The following TMEM132D variants were observed in gnomAD, a reference collection of about 807,000 sequenced individuals.
TMEM132D encodes mature OL transmembrane protein.
In TMEM132D, 21 loss-of-function variants were observed where a neutral mutation model predicts 62.3. The ratio of observed to expected loss-of-function variants is 0.34; its 90% CI spans 0.24 to 0.49. TMEM132D has a LOEUF of 0.49. Among genes scored for constraint, TMEM132D ranks in the 20% least tolerant of loss-of-function variants. TMEM132D has a pLI of 0.99. For missense variants in TMEM132D, 1,346 were observed against 1,402.8 expected, an observed-to-expected ratio of 0.96 and a Z score of 0.65; for synonymous variants, 621 against 575.6, an observed-to-expected ratio of 1.08 and a Z score of -1.13.
intron 4 of TMEM132D, among the ~76,000 whole-genome samples, chr12:129,249,227 T>C (rs1203747178): frequency 2.0e-5 from 3 of 152,208 alleles, no homozygotes; most frequent in Non-Finnish European, 2.9e-5. Flanking sequence ...GGGCACTGAA[T>C]TGTAAATTTA....
At chr12:129,764,773 T>C (rs1870498634) in intron 1 of TMEM132D, among the ~76,000 whole-genome samples, 1 of 152,082 alleles carries the variant, frequency 6.6e-6, no homozygotes, top group African/African-American at 2.4e-5. Flanking sequence ...AGCTCCTATC[T>C]CTACAAACAA....
At chr12:129,470,827 G>A (rs1874072793) in intron 3 of TMEM132D, among the ~76,000 whole-genome samples, 1 of 152,166 alleles carries the variant, frequency 6.6e-6, no homozygotes, top group African/African-American at 2.4e-5. Context: ...GAAACACAGA[G>A]GAAGCTTGTC....
chr12:129,438,845 C>T (rs1750247275), intron 3 of TMEM132D, among the ~76,000 whole-genome samples: 2 of 152,076 alleles, frequency 1.3e-5, no homozygotes, highest in Non-Finnish European at 2.9e-5. Context: ...AATAAAACTG[C>T]AAACAAAACA....
chr12:129,102,323 CACTT>C (rs763451229), intron 5 of TMEM132D, among the ~76,000 whole-genome samples: 30 of 152,222 alleles, frequency 2.0e-4, no homozygotes, highest in Non-Finnish European at 3.1e-4. Context: ...CACGTGTACA[CACTT>C]ACACATGCAC....
At chr12:129,208,593 G>GT (rs1255705098) in intron 5 of TMEM132D, 1 of 152,204 alleles carries the variant, frequency 6.6e-6, no homozygotes, top group African/African-American at 2.4e-5. Flanking sequence ...GAGCAGAGTG[G>GT]TTACACCAAT....
intron 3 of TMEM132D, among the ~76,000 whole-genome samples, chr12:129,401,477 G>A (rs778632917): frequency 2.0e-5 from 3 of 152,150 alleles, no homozygotes; most frequent in Non-Finnish European, 2.9e-5. Flanking sequence ...GCCAAGATGG[G>A]AGGATGGTTT....
chr12:129,337,441 G>GCACA (rs34583805), intron 4 of TMEM132D, among the ~76,000 whole-genome samples, 193 bp downstream of exon 4: 4,285 of 148,170 alleles, frequency 0.029, 153 homozygotes, highest in East Asian at 0.092. Context: ...ATACACACAC[G>GCACA]CACACACACA....
At chr12:129,450,848 T>C (rs1361550758) in intron 3 of TMEM132D, among the ~76,000 whole-genome samples, 2 of 147,542 alleles carry the variant, frequency 1.4e-5, no homozygotes, top group Admixed American at 1.4e-4. Flanking sequence ...CTTCTGCCTC[T>C]CGGGTTCAAG....
At position 129,434,132 on chromosome 12, in the gene TMEM132D, C is replaced by T. The variant is rs893639939; in HGVS notation, c.1116-96315G>A. 3.9e-5 allele frequency among the ~76,000 whole-genome samples: 6 copies of T among 152,154 alleles called. No homozygotes were observed. In the East Asian group the frequency reaches 7.7e-4, roughly 20 times the overall value. On this transcript the variant is annotated intron_variant, in intron 3 of 8. Transcript: ENST00000422113. Reference sequence around the variant, plus strand: ...AGATCTCGTTTATAACAGAGGTGAGCGACCTGTAGGAGGAAAAATGTTCTA... The same window carrying T: ...AGATCTCGTTTATAACAGAGGTGAGTGACCTGTAGGAGGAAAAATGTTCTA...
rs71082709 is a variant in TMEM132D, at chr12:129,420,306, GT to G, written c.1116-82490del. On this transcript the variant is annotated intron_variant, in intron 3 of 8. Transcript: ENST00000422113. ...AATTTCAAATTATTGCACGTTCTCTGTTTTTTTTTTTTTTTTTTTTTTTTGC... is the reference window on the plus strand; with the variant it reads ...AATTTCAAATTATTGCACGTTCTCTGTTTTTTTTTTTTTTTTTTTTTTTGC... 3.0e-3 allele frequency among the ~76,000 whole-genome samples: 338 copies of G among 112,254 alleles called. 7 individuals are homozygous for G. Among genetic ancestry groups the G allele is most frequent in the East Asian group, 0.025 (71 of 2,792 alleles). The allele number at this position is 112,254 out of a possible 152,430, so 73.6% of individuals were successfully genotyped here.
intron 1 of TMEM132D, among the ~76,000 whole-genome samples, chr12:129,721,818 C>T (rs986009847): frequency 5.9e-5 from 9 of 152,212 alleles, no homozygotes; most frequent in African/African-American, 2.2e-4. Flanking sequence ...TTAGAGAGCA[C>T]ATCCGGCCAG....
At chr12:129,435,368 A>G (rs1872761751) in intron 3 of TMEM132D, among the ~76,000 whole-genome samples, 1 of 152,108 alleles carries the variant, frequency 6.6e-6, no homozygotes, top group African/African-American at 2.4e-5. Context: ...CGGGCATACC[A>G]TTTTTTAATT....
chr12:129,728,517 G>A (rs1306337415), intron 1 of TMEM132D, among the ~76,000 whole-genome samples: 2 of 152,184 alleles, frequency 1.3e-5, no homozygotes, highest in Non-Finnish European at 2.9e-5. Context: ...GTAAGGAACT[G>A]GGGAATATGA....
intron 2 of TMEM132D, among the ~76,000 whole-genome samples, chr12:129,549,093 G>T (rs1876818171): frequency 6.6e-6 from 1 of 151,886 alleles, no homozygotes; most frequent in Non-Finnish European, 1.5e-5. Flanking sequence ...TTGAATTGTA[G>T]CTCCCATAAT....
chr12:129,202,464 T>C (rs539894913), intron 5 of TMEM132D, among the ~76,000 whole-genome samples: 23 of 152,338 alleles, frequency 1.5e-4, no homozygotes, highest in African/African-American at 1.9e-4. Context: ...GTAAAATAAA[T>C]GCTGTGAGGT....
intron 4 of TMEM132D, among the ~76,000 whole-genome samples, chr12:129,283,066 A>G (rs1217692094): frequency 6.6e-6 from 1 of 152,198 alleles, no homozygotes; most frequent in Non-Finnish European, 1.5e-5. Flanking sequence ...GCAGGAGCTG[A>G]TACCTATAGA....
rs918930384 is a variant in TMEM132D, at chr12:129,903,065, C to G, written c.79+196G>C. ...CCAAGTGCTCCAGGACAAGCACCTT[C>G]GGCCAAGGGGCGTCCGAGGAGCTTG... is the stretch of plus-strand genomic sequence containing the variant. On this transcript the variant is annotated intron_variant, in intron 1 of 8. Coordinates refer to ENST00000422113, the MANE Select transcript of TMEM132D (RefSeq NM_133448.3). This position sits in a 1 kb window ranked among gnomAD's most constrained non-coding sequence, Gnocchi z 6.2. Among the ~76,000 whole-genome samples, 1 of 152,212 alleles carries G rather than the reference C, an allele frequency of 6.6e-6. No homozygotes were observed. The highest frequency in any genetic ancestry group is 2.1e-4 in the South Asian group (1 of 4,830).
chr12:129,709,429 GA>G (rs1465733577), intron 1 of TMEM132D, among the ~76,000 whole-genome samples: 1 of 152,170 alleles, frequency 6.6e-6, no homozygotes, highest in Admixed American at 6.5e-5. Context: ...TTTCTTGGTA[GA>G]AAATAAACTA....
intron 2 of TMEM132D, among the ~76,000 whole-genome samples, chr12:129,678,909 C>T (rs1194535932): frequency 5.3e-5 from 8 of 151,904 alleles, no homozygotes; most frequent in East Asian, 1.9e-4. Flanking sequence ...ATAGTAGCTT[C>T]GTCATACAAA....
Sources: gnomAD v4.1 joint callset for allele counts (sites outside exome capture counted in the v4.1 genomes callset) on GRCh38, gnomAD v4.1.1 for gene constraint, Gnocchi (gnomAD v3.1) non-coding constraint, MANE v1.5 for transcripts, NCBI Gene and HGNC (gene_info 2026-07-23, HGNC 2026-07-21) for gene names.